Variants in POMZP3 observed in about 807,000 individuals in gnomAD.
The protein encoded by POMZP3 is POM121 and ZP3 fusion protein.
Under a neutral mutation model 19.8 loss-of-function variants are expected in POMZP3, and 10 were observed. The observed-to-expected ratio is 0.51, with a 90% CI of 0.31 to 0.86. POMZP3 has a LOEUF of 0.86. Ranked by LOEUF, POMZP3 falls within the 40% of genes least tolerant of loss-of-function variation. The pLI, the probability that POMZP3 is intolerant of heterozygous loss-of-function variation, is 0.04. For missense variants in POMZP3, 152 were observed against 228.1 expected, an observed-to-expected ratio of 0.67 and a Z score of 2.15; for synonymous variants, 57 against 85.8, an observed-to-expected ratio of 0.66 and a Z score of 1.85.
At chr7:76,623,330 C>T (rs1227415302) in intron 3 of POMZP3, among the ~76,000 whole-genome samples, 45 of 151,686 alleles carry the variant, frequency 3.0e-4, no homozygotes, top group Non-Finnish European at 1.3e-4. Flanking sequence ...ACTAGTGCCA[C>T]CTGACTTTTA....
Position 76,621,940 on chromosome 7 carries a change from A to AAAATAAAT in POMZP3, c.227+3574_227+3581dup, listed in dbSNP as rs200533284. Among the ~76,000 whole-genome samples the AAAATAAAT allele has an allele frequency of 2.6e-4, 20 of 75,508 alleles. No individual in the cohort carries two copies. In the East Asian group the frequency reaches 2.8e-3, roughly 10 times the overall value. 49.5% of individuals were successfully genotyped at this position (75,508 alleles called of 152,430 possible). ...GGGTGACAGCAAGACTCCGTTTCAA[A>AAAATAAAT]AAATAAATAAATAAATAAATAAATA... is the stretch of plus-strand genomic sequence containing the variant. On this transcript the variant is annotated intron_variant, in intron 3 of 6. Transcript: ENST00000310842.
chr7:76,617,603 A>G (rs1815329358), intron 4 of POMZP3, among the ~76,000 whole-genome samples: 1 of 91,308 alleles, frequency 1.1e-5, no homozygotes, highest in Non-Finnish European at 2.1e-5. Context: ...ACCTATGACC[A>G]AGTTCAAGAA....
In POMZP3 at chr7:76,611,441, T is replaced by C; in HGVS notation, c.*11+13A>G. ...GGGACAATGAACAGCCTCTTGGCCATTCTATGACATACCATGCCTGCGGTT... is the reference window on the plus strand; with the variant it reads ...GGGACAATGAACAGCCTCTTGGCCACTCTATGACATACCATGCCTGCGGTT... On this transcript the variant is annotated intron_variant, in intron 6 of 6. Coordinates refer to ENST00000310842, the MANE Select transcript of POMZP3 (RefSeq NM_012230.5). 1 of 1,548,910 alleles carries C rather than the reference T, an allele frequency of 6.5e-7. No individual in the cohort carries two copies. Among genetic ancestry groups the C allele is most frequent in the Non-Finnish European group, 8.7e-7 (1 of 1,148,026 alleles).
chr7:76,626,330 C>T (rs1211170076), intron 1 of POMZP3, 115 bp from the exon 2 acceptor site: 3 of 1,071,706 alleles, frequency 2.8e-6, no homozygotes, highest in South Asian at 1.6e-5. Flanking sequence ...TCTCTTTCTA[C>T]GCAACACAGA....
In POMZP3 at chr7:76,614,450, T is replaced by C. The variant is rs1327323813; in HGVS notation, c.346-2637A>G. Among the ~76,000 whole-genome samples, 4 of 81,006 alleles carry C rather than the reference T, an allele frequency of 4.9e-5. 2 individuals carry two copies. Among genetic ancestry groups the C allele is most frequent in the Non-Finnish European group, 1.0e-4 (4 of 39,384 alleles). 53.1% of individuals were successfully genotyped at this position (81,006 alleles called of 152,430 possible). Reference sequence around the variant, plus strand: ...GGCAGGTGCCTATAATCCCAGCTACTTGGGAGGCTGGAATGGAAGAATTGC... The same window carrying C: ...GGCAGGTGCCTATAATCCCAGCTACCTGGGAGGCTGGAATGGAAGAATTGC... On this transcript the variant is annotated intron_variant, in intron 4 of 6. Transcript: ENST00000310842.
At chr7:76,620,858 GC>G (rs1815514672) in intron 3 of POMZP3, among the ~76,000 whole-genome samples, 1 of 108,904 alleles carries the variant, frequency 9.2e-6, no homozygotes, top group Admixed American at 1.0e-4. Context: ...GGGCTGTAAA[GC>G]CATTTTTTTT....
At chr7:76,617,390 T>C (rs1584344497) in intron 4 of POMZP3, among the ~76,000 whole-genome samples, 3 of 94,760 alleles carry the variant, frequency 3.2e-5, no homozygotes, top group Admixed American at 1.1e-4. Flanking sequence ...TCTTCATTCC[T>C]TCCTTCTCCT....
chr7:76,624,069 G>A (rs1754227), intron 3 of POMZP3, among the ~76,000 whole-genome samples: 27,073 of 77,588 alleles, frequency 0.35, 5,561 homozygotes, highest in Middle Eastern at 0.55. Flanking sequence ...TATTTTGCAT[G>A]AGAGAGGACT....
chr7:76,626,790 AGGGC>A lies in POMZP3; in HGVS notation c.-238_-235del. 1 of 1,290,034 alleles carries A rather than the reference AGGGC, an allele frequency of 7.8e-7. No homozygotes were observed. The highest frequency in any genetic ancestry group is 9.9e-7 in the Non-Finnish European group (1 of 1,009,066). The allele number at this position is 1,290,034 out of a possible 1,614,324, so 79.9% of individuals were successfully genotyped here. A position where few individuals can be genotyped will look rare whatever the true frequency, so the allele number is the denominator to read the frequency against. Reference sequence around the variant, plus strand: ...TGGTGAACGCGATGGGTCGGCGGGGAGGGCGGTGTGGAGCGCGGCGCCGGGCGGG... The same window carrying A: ...TGGTGAACGCGATGGGTCGGCGGGGAGGTGTGGAGCGCGGCGCCGGGCGGG... On this transcript the variant is annotated 5_prime_UTR_variant, in exon 1 of 7. The change abolishes the stop of an existing upstream ORF in the 5' untranslated region. Transcript: ENST00000310842.
At chr7:76,624,994 A>G (rs954378815) in intron 3 of POMZP3, among the ~76,000 whole-genome samples, 5 of 151,412 alleles carry the variant, frequency 3.3e-5, no homozygotes, top group South Asian at 2.1e-4. Context: ...TTAGCCGGGC[A>G]TGGTGGCGGG....
At position 76,623,090 on chromosome 7, in the gene POMZP3, T is replaced by A. The variant is rs1488532560; in HGVS notation, c.227+2432A>T. On this transcript the variant is annotated intron_variant, in intron 3 of 6. Transcript: ENST00000310842. ...TTGCACTATGTTGGCCAGGCTGGTCTCTAACTCTTGGGCTCAAGAGATCCC... is the reference window on the plus strand; with the variant it reads ...TTGCACTATGTTGGCCAGGCTGGTCACTAACTCTTGGGCTCAAGAGATCCC... 4.0e-5 allele frequency among the ~76,000 whole-genome samples: 6 copies of A among 151,878 alleles called. No homozygotes were observed. The East Asian group carries it at 1.2e-3, about 29-fold the overall frequency.
At chr7:76,623,185 G>GT (rs71521144) in intron 3 of POMZP3, among the ~76,000 whole-genome samples, 25,575 of 147,308 alleles carry the variant, frequency 0.17, 2,434 homozygotes, top group South Asian at 0.27. Flanking sequence ...ATTGATTGTG[G>GT]TTTTTTTTTT....
In POMZP3 at chr7:76,611,682, G is replaced by A. The variant is rs369525365; in HGVS notation, c.437+40C>T. 54 of 1,514,862 alleles carry A rather than the reference G, an allele frequency of 3.6e-5. 3 individuals carry two copies. The highest frequency in any genetic ancestry group is 3.5e-4 in the African/African-American group (23 of 66,298). 93.8% of individuals were successfully genotyped at this position (1,514,862 alleles called of 1,614,324 possible). On this transcript the variant is annotated intron_variant, in intron 5 of 6. Coordinates refer to ENST00000310842, the MANE Select transcript of POMZP3 (RefSeq NM_012230.5). ...TGGGGGAAATAGACAAGGGGTCGCC[G>A]ATTCAGTTTCTACTCCAGTCACGGA...
At chr7:76,622,906 C>T (rs1009097092) in intron 3 of POMZP3, among the ~76,000 whole-genome samples, 1 of 150,888 alleles carries the variant, frequency 6.6e-6, no homozygotes, top group South Asian at 2.1e-4. Flanking sequence ...GGGTCTTGCT[C>T]TGTTGCCCTG....
intron 3 of POMZP3, among the ~76,000 whole-genome samples, chr7:76,624,541 G>T (rs1276880897): frequency 6.6e-6 from 1 of 151,690 alleles, no homozygotes; most frequent in African/African-American, 2.4e-5. Context: ...CGCCTCCTGG[G>T]TTCAAGCAAT....
chr7:76,622,025 G>A (rs1209588899), intron 3 of POMZP3, among the ~76,000 whole-genome samples: 4 of 141,544 alleles, frequency 2.8e-5, no homozygotes, highest in Admixed American at 1.4e-4. Context: ...CCAAGATGGC[G>A]ACGAGAGTGA....
chr7:76,621,917 G>T lies in POMZP3; in HGVS notation c.227+3605C>A, dbSNP rs1166447660. Reference sequence around the variant, plus strand: ...ATAGCGCTACTGCACTCCAGCCTGGGTGACAGCAAGACTCCGTTTCAAAAA... The same window carrying T: ...ATAGCGCTACTGCACTCCAGCCTGGTTGACAGCAAGACTCCGTTTCAAAAA... On this transcript the variant is annotated intron_variant, in intron 3 of 6. Transcript: ENST00000310842. Among the ~76,000 whole-genome samples the T allele has an allele frequency of 2.3e-5, 2 of 85,860 alleles. 1 individual carries two copies. The highest frequency in any genetic ancestry group is 2.1e-4 in the Admixed American group (2 of 9,592). The allele number at this position is 85,860 out of a possible 152,430, so 56.3% of individuals were successfully genotyped here.
chr7:76,611,724 G>C lies in POMZP3; in HGVS notation c.435C>G (p.Asn145Lys), dbSNP rs763955385. The change falls in exon 5 of 7, where the codon AAC (asparagine) becomes AAG (lysine). Residue 145 changes from asparagine (N) to lysine (K), a missense_variant and splice_region_variant. Asn to Lys is a moderately conservative substitution (Grantham distance 94). Transcript: ENST00000310842. ...NKACSFSKPSNSWFPVEGLAD... is the reference protein window; with the variant it reads ...NKACSFSKPSKSWFPVEGLAD... Reference sequence around the variant, plus strand: ...AGTCACGGAGCACCTGTCCTCACCTGTTGGAAGGCTTGCTGAAGGAACAGG... The same window carrying C: ...AGTCACGGAGCACCTGTCCTCACCTCTTGGAAGGCTTGCTGAAGGAACAGG... 6.9e-6 allele frequency: 10 copies of C among 1,458,158 alleles called. No individual in the cohort carries two copies. The East Asian group carries it at 2.2e-4, about 33-fold the overall frequency. The allele number at this position is 1,458,158 out of a possible 1,614,324, so 90.3% of individuals were successfully genotyped here. A position where few individuals can be genotyped will look rare whatever the true frequency, so the allele number is the denominator to read the frequency against.
At position 76,627,260 on chromosome 7, in the gene POMZP3, C is replaced by G. The variant is rs1584359875; in HGVS notation, c.-704G>C. 1 of 1,362,646 alleles carries G rather than the reference C, an allele frequency of 7.3e-7. No individual in the cohort carries two copies. The highest frequency in any genetic ancestry group is 1.5e-5 in the African/African-American group (1 of 65,828). 84.4% of individuals were successfully genotyped at this position (1,362,646 alleles called of 1,614,324 possible). A position where few individuals can be genotyped will look rare whatever the true frequency, so the allele number is the denominator to read the frequency against. ...CGCAGCCGCCGGAGACATCGCGGCT[C>G]CGCGCCGCGGAGGAGACTTAAATAT... On this transcript the variant is annotated 5_prime_UTR_variant, in exon 1 of 7. Coordinates refer to ENST00000310842, the MANE Select transcript of POMZP3 (RefSeq NM_012230.5).
Sources: allele counts gnomAD v4.1 joint callset (sites outside exome capture counted in the v4.1 genomes callset), GRCh38; gene constraint gnomAD v4.1.1; transcripts MANE v1.5; gene names NCBI Gene and HGNC (gene_info 2026-07-23, HGNC 2026-07-21).